TACR3: variants seen among roughly 807,000 people sequenced by gnomAD.
TACR3 encodes the protein neuromedin-K receptor.
TACR3 carries 34 observed loss-of-function variants against 35.0 expected under a neutral mutation model. That is an observed-to-expected ratio of 0.97 (90% confidence interval 0.74 to 1.30). The LOEUF (loss-of-function observed/expected upper bound fraction) is 1.30. Ranked by LOEUF, TACR3 falls within the 50% of genes most tolerant of loss-of-function variation. The pLI is 0.00. For missense variants in TACR3, 558 were observed against 591.7 expected (o/e 0.94, Z 0.59); for synonymous variants, 233 against 221.1 (o/e 1.05, Z -0.48).
intron 3 of TACR3, among the ~76,000 whole-genome samples, chr4:103,618,192 C>T (rs77725554): frequency 0.014 from 2,090 of 152,136 alleles, 44 homozygotes; most frequent in African/African-American, 0.048. Flanking sequence ...TTGTCTTCCA[C>T]GATGTTTATA....
chr4:103,618,703 G>A (rs966143017), intron 3 of TACR3, among the ~76,000 whole-genome samples: 6 of 95,778 alleles, frequency 6.3e-5, no homozygotes, highest in Admixed American at 1.8e-4. Context: ...CCATTTTTAC[G>A]ATATTGAATT....
intron 1 of TACR3, among the ~76,000 whole-genome samples, chr4:103,692,090 T>A (rs1333421383): frequency 6.6e-6 from 1 of 152,148 alleles, no homozygotes; most frequent in Admixed American, 6.6e-5. Context: ...CCAGCATCTG[T>A]ACATCAATCA....
intron 3 of TACR3, among the ~76,000 whole-genome samples, chr4:103,646,286 G>GA (rs1725453281): frequency 6.6e-6 from 1 of 151,938 alleles, no homozygotes; most frequent in African/African-American, 2.4e-5. Flanking sequence ...CAGAAGACTA[G>GA]AAAACATCTT....
intron 3 of TACR3, among the ~76,000 whole-genome samples, chr4:103,643,783 C>A (rs1477484935): frequency 6.6e-6 from 1 of 151,614 alleles, no homozygotes; most frequent in Non-Finnish European, 1.5e-5. Flanking sequence ...ATAATGATGG[C>A]AATTGTTATA....
chr4:103,682,431 C>T (rs1189618629), intron 1 of TACR3, among the ~76,000 whole-genome samples: 1 of 152,076 alleles, frequency 6.6e-6, no homozygotes, highest in Non-Finnish European at 1.5e-5. Context: ...TGGCAGCAGG[C>T]AAGAGAGACT....
intron 3 of TACR3, among the ~76,000 whole-genome samples, chr4:103,608,704 C>T (rs1173201379): frequency 6.6e-6 from 1 of 152,074 alleles, no homozygotes; most frequent in East Asian, 1.9e-4. Flanking sequence ...CCAAGTACAA[C>T]CGAAGGCTTA....
intron 3 of TACR3, among the ~76,000 whole-genome samples, chr4:103,622,180 G>C (rs1352342199): frequency 6.6e-6 from 1 of 152,146 alleles, no homozygotes; most frequent in Non-Finnish European, 1.5e-5. Flanking sequence ...AGAAGTCAAA[G>C]GTAACTTTGG....
intron 3 of TACR3, among the ~76,000 whole-genome samples, chr4:103,592,770 C>T (rs1242883044): frequency 6.6e-6 from 1 of 152,186 alleles, no homozygotes; most frequent in Non-Finnish European, 1.5e-5. Flanking sequence ...ATGAAATGGA[C>T]TTGTCATTTG....
At chr4:103,709,515 A>G (rs1722886555) in intron 1 of TACR3, among the ~76,000 whole-genome samples, 1 of 152,236 alleles carries the variant, frequency 6.6e-6, no homozygotes, top group Non-Finnish European at 1.5e-5. Flanking sequence ...AGCACTAAAA[A>G]TAGAAAGGAG....
At chr4:103,707,779 T>G (rs1417129581) in intron 1 of TACR3, among the ~76,000 whole-genome samples, 1 of 152,064 alleles carries the variant, frequency 6.6e-6, no homozygotes, top group Non-Finnish European at 1.5e-5. Flanking sequence ...AGACGGCACA[T>G]GGAAAATTGG....
chr4:103,648,607 A>G (rs1181682101), intron 3 of TACR3, among the ~76,000 whole-genome samples: 1 of 152,076 alleles, frequency 6.6e-6, no homozygotes, highest in African/African-American at 2.4e-5. Context: ...TGTTGTTGCA[A>G]GTGAAAGAAT....
chr4:103,634,841 C>CATTT (rs1472050757), intron 3 of TACR3, among the ~76,000 whole-genome samples: 2 of 152,074 alleles, frequency 1.3e-5, no homozygotes, highest in African/African-American at 4.8e-5. Context: ...TATCCCTTTC[C>CATTT]ATTTCACCTT....
chr4:103,598,531 G>A (rs1317066602), intron 3 of TACR3, among the ~76,000 whole-genome samples: 1 of 152,094 alleles, frequency 6.6e-6, no homozygotes, highest in African/African-American at 2.4e-5. Context: ...CCTTGCCCAT[G>A]CCTATGTACT....
chr4:103,635,694 A>C (rs1477703661), intron 3 of TACR3, among the ~76,000 whole-genome samples: 1 of 152,012 alleles, frequency 6.6e-6, no homozygotes, highest in East Asian at 1.9e-4. Flanking sequence ...ACTTGTGCAC[A>C]ATGCCTGGTA....
At chr4:103,637,131 A>G (rs1725212252) in intron 3 of TACR3, among the ~76,000 whole-genome samples, 1 of 152,124 alleles carries the variant, frequency 6.6e-6, no homozygotes, top group Non-Finnish European at 1.5e-5. Flanking sequence ...CAGAGACACA[A>G]CCAAAAAAGA....
intron 3 of TACR3, among the ~76,000 whole-genome samples, chr4:103,616,905 G>A (rs1310860965): frequency 1.3e-5 from 2 of 152,110 alleles, no homozygotes; most frequent in African/African-American, 2.4e-5. Flanking sequence ...CCATGATCAG[G>A]CCACTGCACT....
chr4:103,718,366 G>A (rs1290231706), intron 1 of TACR3, among the ~76,000 whole-genome samples: 3 of 152,078 alleles, frequency 2.0e-5, no homozygotes, highest in Non-Finnish European at 4.4e-5. Flanking sequence ...TAACAGGTAG[G>A]GATTCACCAT....
intron 3 of TACR3, among the ~76,000 whole-genome samples, chr4:103,621,097 T>C (rs920640785): frequency 6.6e-6 from 1 of 152,238 alleles, no homozygotes; most frequent in African/African-American, 2.4e-5. Context: ...ATGCTAGAGT[T>C]TTCCATGTGG....
At chr4:103,712,283 C>A (rs1013502091) in intron 1 of TACR3, among the ~76,000 whole-genome samples, 1 of 150,990 alleles carries the variant, frequency 6.6e-6, no homozygotes, top group Non-Finnish European at 1.5e-5. Context: ...GAGATACATA[C>A]CAATGGAACA....
Sources: gnomAD v4.1 joint callset for allele counts (sites outside exome capture counted in the v4.1 genomes callset) on GRCh38, gnomAD v4.1.1 for gene constraint, MANE v1.5 for transcripts, NCBI Gene and HGNC (gene_info 2026-07-23, HGNC 2026-07-21) for gene names.